The following PTK2 variants were observed in gnomAD, a reference collection of about 807,000 sequenced individuals.
PTK2 encodes focal adhesion kinase 1.
Under a neutral mutation model 150.1 loss-of-function variants are expected in PTK2, and 45 were observed. The ratio of observed to expected loss-of-function variants is 0.30; its 90% CI spans 0.24 to 0.38. PTK2 has a LOEUF of 0.38. Ranked by LOEUF, PTK2 falls within the 10% of genes least tolerant of loss-of-function variation. The probability of loss-of-function intolerance (pLI) is 1.00; values close to 1 mark genes in which losing one functional copy is unlikely to be tolerated. For missense variants in PTK2, 919 were observed against 1,307.3 expected, an observed-to-expected ratio of 0.70 and a Z score of 4.58; for synonymous variants, 432 against 449.2, an observed-to-expected ratio of 0.96 and a Z score of 0.48.
chr8:140,767,682 T>TGC (rs773790086), intron 14 of PTK2, among the ~76,000 whole-genome samples: 13 of 152,116 alleles, frequency 8.5e-5, no homozygotes, highest in African/African-American at 2.7e-4. Flanking sequence ...GATGAGGTTT[T>TGC]GCCATGTTGC....
Position 140,733,331 on chromosome 8 carries a change from C to A in PTK2, c.2030+1920G>T, listed in dbSNP as rs140605278. Among the ~76,000 whole-genome samples the A allele has an allele frequency of 6.4e-3, 974 of 152,256 alleles. 6 individuals carry two copies. Among genetic ancestry groups the A allele is most frequent in the South Asian group, 0.018 (89 of 4,822 alleles). The stretch of plus-strand genomic sequence containing the variant: ...GTAGGTTTGGGACTTGAGAAAAGGG[C>A]AGGACCAGAACTATAGACAGACAGA... On this transcript the variant is annotated intron_variant, in intron 22 of 31. Transcript: ENST00000522684.
chr8:140,715,701 C>T (rs4246122), intron 23 of PTK2, among the ~76,000 whole-genome samples: 120,345 of 151,928 alleles, frequency 0.79, 48,259 homozygotes, highest in Non-Finnish European at 0.85. Flanking sequence ...CATCTGTTTA[C>T]TTAACAAATA....
chr8:140,994,850 C>T (rs968655406), intron 1 of PTK2, among the ~76,000 whole-genome samples: 11 of 152,066 alleles, frequency 7.2e-5, no homozygotes, highest in African/African-American at 1.4e-4. Context: ...TATAATGGGC[C>T]GAAGTGGGAG....
chr8:140,717,755 T>TGTC (rs1564990593), intron 22 of PTK2, 46 bp from the exon 26 acceptor site: 2 of 1,459,622 alleles, frequency 1.4e-6, no homozygotes, highest in Admixed American at 3.3e-5. Flanking sequence ...AACCCAGAGT[T>TGTC]AGCACACACT....
intron 7 of PTK2, among the ~76,000 whole-genome samples, chr8:140,841,595 T>A (rs1359602954): frequency 2.0e-5 from 3 of 152,080 alleles, no homozygotes; most frequent in Non-Finnish European, 4.4e-5. Flanking sequence ...ACGATTTTAC[T>A]ACATTAAAGA....
chr8:140,760,059 T>TA (rs1184933890), intron 16 of PTK2, among the ~76,000 whole-genome samples: 3 of 151,702 alleles, frequency 2.0e-5, no homozygotes, highest in Non-Finnish European at 2.9e-5. Context: ...CCGTCTCTAC[T>TA]AAAAAAACAA....
intron 1 of PTK2, among the ~76,000 whole-genome samples, chr8:140,982,287 T>G (rs2100191711): frequency 1.3e-5 from 2 of 152,182 alleles, no homozygotes; most frequent in African/African-American, 2.4e-5. Flanking sequence ...TTAAGATAGA[T>G]ACACACTGCA....
At chr8:140,878,084 TA>T (rs1230877992) in intron 4 of PTK2, among the ~76,000 whole-genome samples, 1 of 152,128 alleles carries the variant, frequency 6.6e-6, no homozygotes, top group East Asian at 1.9e-4. Context: ...ACCCTGCAGG[TA>T]TTTTTATCTA....
intron 1 of PTK2, among the ~76,000 whole-genome samples, chr8:140,955,688 A>C (rs577758137): frequency 2.3e-4 from 35 of 152,330 alleles, no homozygotes; most frequent in South Asian, 2.1e-3. Context: ...GAACGATAAA[A>C]GATCGGAAGC....
intron 29 of PTK2, among the ~76,000 whole-genome samples, chr8:140,673,245 T>G (rs983149315): frequency 6.6e-6 from 1 of 152,068 alleles, no homozygotes; most frequent in Non-Finnish European, 1.5e-5. Flanking sequence ...GTAGCTGGGA[T>G]TGCAGACATG....
intron 19 of PTK2, among the ~76,000 whole-genome samples, chr8:140,744,340 A>G (rs1440254393): frequency 6.6e-6 from 1 of 152,080 alleles, no homozygotes; most frequent in Non-Finnish European, 1.5e-5. Flanking sequence ...GGTTCTCTAT[A>G]GTGTTTGTGT....
chr8:140,742,092 C>T (rs143457776), intron 20 of PTK2, among the ~76,000 whole-genome samples: 23 of 152,234 alleles, frequency 1.5e-4, no homozygotes, highest in African/African-American at 4.3e-4. Context: ...GCCATGTTTG[C>T]GCCACTGCAC....
At chr8:140,669,974 G>T in intron 29 of PTK2, 1 of 515,608 alleles carries the variant, frequency 1.9e-6, no homozygotes, top group East Asian at 3.1e-5. Context: ...CATGCACCAT[G>T]CTCAGTTACA....
At chr8:140,757,267 C>T (rs536887898) in intron 16 of PTK2, among the ~76,000 whole-genome samples, 1 of 152,196 alleles carries the variant, frequency 6.6e-6, no homozygotes, top group African/African-American at 2.4e-5. Flanking sequence ...AGAGCCAGAT[C>T]TAAATTTGTC....
At chr8:140,933,332 G>A (rs1450104734) in intron 1 of PTK2, among the ~76,000 whole-genome samples, 2 of 152,054 alleles carry the variant, frequency 1.3e-5, no homozygotes, top group African/African-American at 4.8e-5. Context: ...GAACAGGAGG[G>A]GCTAAAAAAC....
At chr8:140,993,340 T>A (rs184610101) in intron 1 of PTK2, among the ~76,000 whole-genome samples, 50 of 152,294 alleles carry the variant, frequency 3.3e-4, no homozygotes, top group Admixed American at 8.5e-4. Flanking sequence ...TGACGTTCTT[T>A]ACCAGGGCAA....
intron 1 of PTK2, among the ~76,000 whole-genome samples, chr8:141,000,302 G>A (rs1052520152): frequency 3.9e-5 from 6 of 152,178 alleles, no homozygotes; most frequent in Non-Finnish European, 7.4e-5. Flanking sequence ...CAGGGCTCCC[G>A]CCAAGAAGCC....
intron 22 of PTK2, among the ~76,000 whole-genome samples, chr8:140,726,111 T>C (rs950929880): frequency 1.3e-5 from 2 of 152,010 alleles, no homozygotes; most frequent in African/African-American, 2.4e-5. Flanking sequence ...TTGGATGAAG[T>C]GATCAGTAGG....
intron 1 of PTK2, chr8:140,948,719 TG>T (rs1235530202): frequency 6.6e-6 from 1 of 152,152 alleles, no homozygotes; most frequent in African/African-American, 2.4e-5. Context: ...CAACCAACCA[TG>T]GATCTAAAAT....
Sources: allele counts gnomAD v4.1 joint callset (sites outside exome capture counted in the v4.1 genomes callset), GRCh38; gene constraint gnomAD v4.1.1; transcripts MANE v1.5; gene names NCBI Gene and HGNC (gene_info 2026-07-23, HGNC 2026-07-21).